Variants in SMCHD1 observed in about 807,000 individuals in gnomAD.
The protein encoded by SMCHD1 is structural maintenance of chromosomes flexible hinge domain containing 1.
SMCHD1 carries 78 observed loss-of-function variants against 254.7 expected under a neutral mutation model. The ratio of observed to expected loss-of-function variants is 0.31; its 90% CI spans 0.26 to 0.37. The LOEUF (loss-of-function observed/expected upper bound fraction) is 0.37, where lower values mean the gene tolerates loss of function less well. SMCHD1 is among the 10% of genes least tolerant of loss of function. The pLI, the probability that SMCHD1 is intolerant of heterozygous loss-of-function variation, is 1.00. For synonymous variants in SMCHD1, 766 were observed against 794.9 expected, an observed-to-expected ratio of 0.96 and a Z score of 0.61; for missense variants, 1,840 against 2,408.1, an observed-to-expected ratio of 0.76 and a Z score of 4.94.
Position 2,751,307 on chromosome 18 carries a change from G to T in SMCHD1, c.4195G>T (p.Asp1399Tyr). 1.3e-6 allele frequency: 2 copies of T among 1,574,518 alleles called. No homozygotes were observed. Among genetic ancestry groups the T allele is most frequent in the Non-Finnish European group, 1.7e-6 (2 of 1,164,914 alleles). ...DFMISVISED[D>Y]SIIKNINPAR... ...TATGATTAGTGTTATTTCTGAAGATGACAGTATCATTAAAAACATTAATCC... is the reference window on the plus strand; with the variant it reads ...TATGATTAGTGTTATTTCTGAAGATTACAGTATCATTAAAAACATTAATCC... Residue 1399 changes from aspartate (D) to tyrosine (Y), a missense_variant, in exon 33 of 48, where the codon GAC becomes TAC. By Grantham distance (160) the Asp-to-Tyr change is radical. Transcript: ENST00000320876.
At chr18:2,754,392 A>G (rs911770635) in intron 34 of SMCHD1, among the ~76,000 whole-genome samples, 2 of 152,194 alleles carry the variant, frequency 1.3e-5, no homozygotes, top group East Asian at 1.9e-4. Flanking sequence ...TGAGCAAGGT[A>G]AAAAGCTCAT....
chr18:2,743,829 T>G lies in SMCHD1; in HGVS notation c.3702T>G (p.Leu1234=). Reference sequence around the variant, plus strand: ...CAGGTCCTCCTGGAAATAAGGATCTTTGTTTTACTTGGCGTGAGTTTTCTG... The same window carrying G: ...CAGGTCCTCCTGGAAATAAGGATCTGTGTTTTACTTGGCGTGAGTTTTCTG... The part of the protein sequence containing the change: ...FIPGPPGNKD[L]CFTWREFSDF... The change falls in exon 29 of 48, where the codon CTT becomes CTG. Residue 1234 remains leucine (L), a synonymous_variant. Coordinates refer to ENST00000320876, the MANE Select transcript of SMCHD1 (RefSeq NM_015295.3). 1 of 1,613,318 alleles carries G rather than the reference T, an allele frequency of 6.2e-7. No individual in the cohort carries two copies. The highest frequency in any genetic ancestry group is 1.1e-5 in the South Asian group (1 of 90,998).
chr18:2,714,355 A>G (rs1347323354), intron 17 of SMCHD1, among the ~76,000 whole-genome samples: 4 of 152,108 alleles, frequency 2.6e-5, no homozygotes, highest in Admixed American at 6.5e-5. Flanking sequence ...CCTTCAGTCT[A>G]TAATTGTCTT....
chr18:2,684,729 G>GTGTGTGTC (rs2074002684), intron 5 of SMCHD1, among the ~76,000 whole-genome samples: 1 of 150,190 alleles, frequency 6.7e-6, no homozygotes, highest in Non-Finnish European at 1.5e-5. Flanking sequence ...GTGTGTGTGT[G>GTGTGTGTC]TGTGATTCCA....
chr18:2,730,776 A>G (rs560407846), intron 24 of SMCHD1, among the ~76,000 whole-genome samples: 5 of 152,220 alleles, frequency 3.3e-5, no homozygotes, highest in African/African-American at 1.2e-4. Flanking sequence ...TGGATACAAG[A>G]TGTCTTTTAC....
intron 45 of SMCHD1, among the ~76,000 whole-genome samples, chr18:2,794,886 T>C (rs372877070): frequency 2.0e-5 from 3 of 152,238 alleles, no homozygotes; most frequent in Admixed American, 2.0e-4. Context: ...CAATGTTGTT[T>C]TATGGTCCTT....
chr18:2,748,029 G>A (rs2075489499), intron 30 of SMCHD1, among the ~76,000 whole-genome samples: 1 of 152,092 alleles, frequency 6.6e-6, no homozygotes, highest in Non-Finnish European at 1.5e-5. Flanking sequence ...TACATGGTGA[G>A]GCTAAACAAA....
intron 30 of SMCHD1, 47 bp from the exon 31 acceptor site, chr18:2,749,996 A>G (rs2075541106): frequency 2.0e-6 from 3 of 1,466,036 alleles, no homozygotes; most frequent in Non-Finnish European, 2.8e-6. Context: ...AACTTGATTG[A>G]TCTCTAGAAT....
At chr18:2,759,571 CTTTT>C (rs61159403) in intron 34 of SMCHD1, among the ~76,000 whole-genome samples, 20 of 69,518 alleles carry the variant, frequency 2.9e-4, no homozygotes, top group Non-Finnish European at 4.6e-4. Context: ...TTAATTCTCT[CTTTT>C]TTTTTTTTTT....
intron 5 of SMCHD1, among the ~76,000 whole-genome samples, chr18:2,681,428 A>AG (rs35263743): frequency 6.7e-6 from 1 of 149,476 alleles, no homozygotes; most frequent in Non-Finnish European, 1.5e-5. Context: ...AAAAAAAAAA[A>AG]AGGAAAATTA....
At chr18:2,693,546 T>C (rs2074224345) in intron 7 of SMCHD1, among the ~76,000 whole-genome samples, 1 of 152,220 alleles carries the variant, frequency 6.6e-6, no homozygotes, top group African/African-American at 2.4e-5. Context: ...CTGCAGTCAA[T>C]TGTTGACAAA....
At chr18:2,680,329 C>T (rs138843210) in intron 5 of SMCHD1, among the ~76,000 whole-genome samples, 1 of 123,560 alleles carries the variant, frequency 8.1e-6, no homozygotes, top group African/African-American at 3.0e-5. Flanking sequence ...AGACTTGTTG[C>T]ATCTGTTGTT....
chr18:2,722,766 T>A, intron 20 of SMCHD1, 103 bp downstream of exon 20: 2 of 943,096 alleles, frequency 2.1e-6, no homozygotes, highest in Non-Finnish European at 3.0e-6. Flanking sequence ...CAACTTTAAT[T>A]ATTTAAAATA....
chr18:2,800,290 A>C (rs1436898066), intron 47 of SMCHD1, among the ~76,000 whole-genome samples: 3 of 152,094 alleles, frequency 2.0e-5, no homozygotes, highest in African/African-American at 7.2e-5. Flanking sequence ...CAGATTTTCA[A>C]CCCAAACTTT....
chr18:2,752,513 TA>T lies in SMCHD1; in HGVS notation c.4311del (p.Asp1438IlefsTer15), dbSNP rs1477249970. On this transcript the variant is annotated frameshift_variant, in exon 34 of 48. Transcript: ENST00000320876. LOFTEE classifies it high-confidence loss of function. ...GCAGAAACATTTAGTTGTAATAAAA[TA>T]AAAGATAATGACAAAGAAGATGGCT... ...ANAETFSCNK[I>X]KDNDKEDGCF... is the part of the protein sequence containing the mutation. 6.2e-7 allele frequency: 1 copy of T among 1,600,894 alleles called. No homozygotes were observed. The highest frequency in any genetic ancestry group is 8.6e-7 in the Non-Finnish European group (1 of 1,168,890).
chr18:2,784,349 GA>G, intron 44 of SMCHD1, 100 bp from the exon 45 acceptor site: 6 of 1,025,636 alleles, frequency 5.9e-6, no homozygotes. Context: ...ATACTACTGT[GA>G]TCCTGTCATT....
At chr18:2,690,407 T>C (rs1006107645) in intron 7 of SMCHD1, among the ~76,000 whole-genome samples, 5 of 152,180 alleles carry the variant, frequency 3.3e-5, no homozygotes, top group Non-Finnish European at 7.3e-5. Context: ...TTGCATAACA[T>C]CTTACCTGAA....
At chr18:2,783,012 A>C (rs1258741048) in intron 44 of SMCHD1, among the ~76,000 whole-genome samples, 1 of 152,154 alleles carries the variant, frequency 6.6e-6, no homozygotes, top group Non-Finnish European at 1.5e-5. Flanking sequence ...AATTACATTT[A>C]CTTTATCTTG....
chr18:2,739,450 T>A lies in SMCHD1; in HGVS notation c.3444T>A (p.Pro1148=), dbSNP rs76290319. 2,119 of 1,613,100 alleles carry A rather than the reference T, an allele frequency of 1.3e-3. 1 individual carries two copies. Among genetic ancestry groups the A allele is most frequent in the Non-Finnish European group, 1.6e-3 (1,883 of 1,179,400 alleles). ...AFTVRPLPDE[P]KHLKCEMKGG... ...ATTTCAGACCACTTCCTGATGAACC[T>A]AAACATTTAAAATGTGAAATGAAAG... The change falls in exon 27 of 48, where the codon CCT becomes CCA. Residue 1148 remains proline, a synonymous_variant. Coordinates refer to ENST00000320876, the MANE Select transcript of SMCHD1 (RefSeq NM_015295.3).
Sources: gnomAD v4.1 joint callset for allele counts (sites outside exome capture counted in the v4.1 genomes callset) on GRCh38, gnomAD v4.1.1 for gene constraint, MANE v1.5 for transcripts, NCBI Gene and HGNC (gene_info 2026-07-23, HGNC 2026-07-21) for gene names.